ARHGAP32: variants seen among roughly 807,000 people sequenced by gnomAD.
ARHGAP32 encodes Rho GTPase activating protein 32, also known as rho GTPase-activating protein 32.
A neutral mutation model predicts 186.5 loss-of-function variants in ARHGAP32; 51 were observed. The observed-to-expected ratio is 0.27, with a 90% confidence interval of 0.22 to 0.35. The LOEUF (loss-of-function observed/expected upper bound fraction) is 0.35, where lower values mean the gene tolerates loss of function less well. ARHGAP32 is among the 10% of genes least tolerant of loss of function. The pLI is 1.00. For missense variants in ARHGAP32, 2,186 were observed against 2,623.5 expected (o/e 0.83, Z 3.64); for synonymous variants, 950 against 964.3 (o/e 0.99, Z 0.27).
intron 12 of ARHGAP32, among the ~76,000 whole-genome samples, chr11:128,991,676 G>A (rs1276010772): frequency 2.0e-5 from 3 of 152,144 alleles, no homozygotes; most frequent in Non-Finnish European, 4.4e-5. Context: ...AAGACGGTAT[G>A]ACTTTCAGAA....
chr11:128,983,747 GATTA>G (rs1347777328), intron 15 of ARHGAP32, among the ~76,000 whole-genome samples: 3 of 151,280 alleles, frequency 2.0e-5, no homozygotes, highest in African/African-American at 7.3e-5. Context: ...TGAAGGGAAT[GATTA>G]AAGGACTTCA....
chr11:128,989,515 TTCACACACAC>T (rs1307800741), intron 12 of ARHGAP32, among the ~76,000 whole-genome samples: 23 of 87,182 alleles, frequency 2.6e-4, no homozygotes, highest in Admixed American at 1.1e-4. Flanking sequence ...TGTTTTTTAT[TTCACACACAC>T]ACACACACAC....
rs561008531 is a variant in ARHGAP32 at position 128,978,031 on chromosome 11, A to G, written c.2122+739T>C. 9.2e-5 allele frequency among the ~76,000 whole-genome samples: 14 copies of G among 152,012 alleles called. No homozygotes were observed. In the South Asian group the frequency reaches 2.9e-3, roughly 32 times the overall value. On this transcript the variant is annotated intron_variant, in intron 19 of 22. Coordinates refer to ENST00000682385, the MANE Select transcript of ARHGAP32 (RefSeq NM_001378024.1). ...TGTACCTAGCCTAAACCACTATTTC[A>G]ATAACTATGATTCTGCACTAAAATT...
chr11:129,146,502 A>G (rs1455693189), intron 2 of ARHGAP32, among the ~76,000 whole-genome samples: 3 of 152,156 alleles, frequency 2.0e-5, no homozygotes, highest in African/African-American at 7.2e-5. Context: ...TAATTTTAAT[A>G]TCTTATTTTC....
At chr11:129,157,205 A>G (rs1943428626) in intron 2 of ARHGAP32, among the ~76,000 whole-genome samples, 8 of 152,124 alleles carry the variant, frequency 5.3e-5, no homozygotes, top group Admixed American at 4.6e-4. Context: ...CCAGCAAGGG[A>G]AGAAAACCAG....
intron 11 of ARHGAP32, among the ~76,000 whole-genome samples, chr11:129,002,572 T>G (rs915302978): frequency 3.3e-5 from 5 of 152,134 alleles, no homozygotes; most frequent in Non-Finnish European, 5.9e-5. Flanking sequence ...TCAATTTGAG[T>G]GCCCTTTATT....
chr11:129,169,631 CAAAAA>C (rs35715241), intron 1 of ARHGAP32, among the ~76,000 whole-genome samples: 18 of 75,140 alleles, frequency 2.4e-4, no homozygotes, highest in African/African-American at 8.7e-4. Context: ...GACTCTGTCT[CAAAAA>C]AAAAAAAAAA....
intron 1 of ARHGAP32, among the ~76,000 whole-genome samples, chr11:129,166,087 T>C: frequency 6.6e-6 from 1 of 152,022 alleles, no homozygotes; most frequent in African/African-American, 2.4e-5. Context: ...AAAAATACAG[T>C]ATCTGAAATT....
chr11:129,131,606 C>T (rs1323628835), intron 2 of ARHGAP32, among the ~76,000 whole-genome samples: 1 of 151,632 alleles, frequency 6.6e-6, no homozygotes, highest in Non-Finnish European at 1.5e-5. Context: ...TAAGAACTCG[C>T]TCACTATGAC....
intron 1 of ARHGAP32, among the ~76,000 whole-genome samples, chr11:129,218,984 GC>G (rs1364381105): frequency 6.6e-6 from 1 of 152,152 alleles, no homozygotes; most frequent in African/African-American, 2.4e-5. Context: ...CCCAATGAGA[GC>G]CACGGCCAAC....
chr11:129,150,627 AAAG>A (rs778537842), intron 2 of ARHGAP32, among the ~76,000 whole-genome samples: 38 of 152,290 alleles, frequency 2.5e-4, no homozygotes, highest in East Asian at 2.1e-3. Context: ...AAGCCTCATA[AAAG>A]AAGGAGAGAT....
At chr11:129,188,563 A>C (rs1287938963) in intron 1 of ARHGAP32, among the ~76,000 whole-genome samples, 1 of 152,190 alleles carries the variant, frequency 6.6e-6, no homozygotes, top group Non-Finnish European at 1.5e-5. Context: ...GCATCCTTCC[A>C]AATAAGATAA....
At chr11:129,174,068 A>G (rs1591671714) in intron 1 of ARHGAP32, among the ~76,000 whole-genome samples, 1 of 152,246 alleles carries the variant, frequency 6.6e-6, no homozygotes, top group Non-Finnish European at 1.5e-5. Context: ...CAGTGGGCAC[A>G]GGACAGTGGG....
At chr11:129,026,327 G>A (rs67506762) in intron 11 of ARHGAP32, among the ~76,000 whole-genome samples, 16,807 of 152,186 alleles carry the variant, frequency 0.11, 1,055 homozygotes, top group Middle Eastern at 0.14. Flanking sequence ...AAAAGATGCT[G>A]TGCCATCTAG....
At chr11:129,134,225 G>GC (rs1165898544) in intron 2 of ARHGAP32, among the ~76,000 whole-genome samples, 1 of 151,564 alleles carries the variant, frequency 6.6e-6, no homozygotes, top group Non-Finnish European at 1.5e-5. Flanking sequence ...AAAAAAGAGA[G>GC]CGAGAACATC....
chr11:129,119,114 A>C (rs1459659943), intron 5 of ARHGAP32, among the ~76,000 whole-genome samples: 1 of 151,974 alleles, frequency 6.6e-6, no homozygotes, highest in African/African-American at 2.4e-5. Context: ...TCACAACCTC[A>C]ATCAGAACTC....
intron 1 of ARHGAP32, among the ~76,000 whole-genome samples, chr11:129,224,864 C>T (rs1284366364): frequency 6.6e-6 from 1 of 150,624 alleles, no homozygotes; most frequent in Middle Eastern, 3.2e-3. Context: ...GTTATCCCAA[C>T]ACTCTAGGAG....
At chr11:129,165,629 A>G (rs1201944432) in intron 1 of ARHGAP32, among the ~76,000 whole-genome samples, 1 of 151,110 alleles carries the variant, frequency 6.6e-6, no homozygotes, top group Admixed American at 6.6e-5. Flanking sequence ...AAAAATAGTC[A>G]AACCAGAAAG....
At chr11:129,197,367 T>C (rs1459343490) in intron 1 of ARHGAP32, among the ~76,000 whole-genome samples, 3 of 152,178 alleles carry the variant, frequency 2.0e-5, no homozygotes, top group Non-Finnish European at 4.4e-5. Context: ...AGCAAAGCAG[T>C]AGAACCAAGA....
Sources: gnomAD v4.1 joint callset for allele counts (sites outside exome capture counted in the v4.1 genomes callset) on GRCh38, gnomAD v4.1.1 for gene constraint, MANE v1.5 for transcripts, NCBI Gene and HGNC (gene_info 2026-07-23, HGNC 2026-07-21) for gene names.